The following HEG1 variants were observed in gnomAD, a reference collection of about 807,000 sequenced individuals.
The protein encoded by HEG1 is protein HEG homolog 1.
A neutral mutation model predicts 125.6 loss-of-function variants in HEG1; 56 were observed. The observed-to-expected ratio is 0.45, with a 90% CI of 0.36 to 0.56. The LOEUF (loss-of-function observed/expected upper bound fraction) is 0.56, where lower values mean the gene tolerates loss of function less well. Among genes scored for constraint, HEG1 ranks in the 20% least tolerant of loss-of-function variants. HEG1 has a pLI of 0.00. For synonymous variants in HEG1, 644 were observed against 668.5 expected, an observed-to-expected ratio of 0.96 and a Z score of 0.57; for missense variants, 1,523 against 1,670.0, an observed-to-expected ratio of 0.91 and a Z score of 1.53.
intron 1 of HEG1, among the ~76,000 whole-genome samples, chr3:125,041,596 G>A (rs1363637328): frequency 6.6e-6 from 1 of 152,140 alleles, no homozygotes; most frequent in African/African-American, 2.4e-5. Context: ...CCACTTCTGG[G>A]TCTATATGCA....
intron 1 of HEG1, among the ~76,000 whole-genome samples, chr3:125,041,261 C>T (rs572656005): frequency 1.3e-5 from 2 of 152,336 alleles, no homozygotes; most frequent in East Asian, 3.9e-4. Flanking sequence ...GCCCCCATCC[C>T]TCTCCAAAGG....
chr3:125,021,352 C>T (rs1038035774), intron 3 of HEG1, among the ~76,000 whole-genome samples: 10 of 152,002 alleles, frequency 6.6e-5, no homozygotes, highest in Admixed American at 2.6e-4. Flanking sequence ...TGGAGAACAC[C>T]GAGATCCCTC....
intron 14 of HEG1, 67 bp downstream of exon 14, chr3:124,990,720 A>T: frequency 7.0e-7 from 1 of 1,427,180 alleles, no homozygotes; most frequent in Non-Finnish European, 9.6e-7. Context: ...GAGGAGACTG[A>T]CACCTGTGCA....
chr3:124,992,242 G>A (rs1936847006), intron 12 of HEG1, among the ~76,000 whole-genome samples: 1 of 152,190 alleles, frequency 6.6e-6, no homozygotes, highest in Admixed American at 6.5e-5. Flanking sequence ...CCCTCGGGTG[G>A]TGCAGCTCAT....
chr3:125,019,066 C>T (rs1398023162), intron 5 of HEG1, among the ~76,000 whole-genome samples, 196 bp downstream of exon 5: 1 of 152,034 alleles, frequency 6.6e-6, no homozygotes, highest in Non-Finnish European at 1.5e-5. Context: ...CAGGGTTTCA[C>T]CATGTAGGTC....
At chr3:125,031,340 C>T (rs1384917501) in intron 1 of HEG1, among the ~76,000 whole-genome samples, 1 of 152,168 alleles carries the variant, frequency 6.6e-6, no homozygotes, top group Admixed American at 6.5e-5. Flanking sequence ...AGAACACTGT[C>T]CTTTCCCCAT....
intron 12 of HEG1, among the ~76,000 whole-genome samples, chr3:124,995,220 G>A (rs1391925976): frequency 3.3e-5 from 5 of 152,010 alleles, no homozygotes; most frequent in African/African-American, 1.2e-4. Flanking sequence ...GATCACTTGA[G>A]CCCAGGAGGT....
intron 1 of HEG1, among the ~76,000 whole-genome samples, chr3:125,039,155 C>A (rs553951237): frequency 6.6e-6 from 1 of 152,094 alleles, no homozygotes; most frequent in African/African-American, 2.4e-5. Context: ...TTAACAAGAG[C>A]GTTTTATTGC....
rs1937126456 is a variant in HEG1, at chr3:125,009,896, T to C, written c.3074-72A>G. On this transcript the variant is annotated intron_variant, in intron 7 of 16. Coordinates refer to ENST00000311127, the MANE Select transcript of HEG1 (RefSeq NM_020733.2). ...CAAAACCATAACCCAGTGTAGTAAG[T>C]ACTTACTAAGGGCCAAATGGTGCTA... 3.4e-6 allele frequency: 5 copies of C among 1,489,512 alleles called. 1 individual carries two copies. The highest frequency in any genetic ancestry group is 3.5e-4 in the Middle Eastern group (2 of 5,758). 92.3% of individuals were successfully genotyped at this position (1,489,512 alleles called of 1,614,324 possible).
At chr3:124,991,040 C>G in intron 12 of HEG1, 54 bp from the exon 13 acceptor site, 1 of 1,405,928 alleles carries the variant, frequency 7.1e-7, no homozygotes, top group South Asian at 1.3e-5. Flanking sequence ...TCCCAAACTC[C>G]CAGTTAATTA....
Position 125,001,849 on chromosome 3 carries a change from T to C in HEG1, c.3517+3A>G. The C allele has an allele frequency of 6.2e-7, 1 of 1,611,892 alleles. No homozygotes were observed. The highest frequency in any genetic ancestry group is 2.2e-5 in the East Asian group (1 of 44,844). On this transcript the variant is annotated splice_donor_region_variant and intron_variant, in intron 11 of 16. Coordinates refer to ENST00000311127, the MANE Select transcript of HEG1 (RefSeq NM_020733.2). ...GGATCCTCCCAGAGGGCTGCCCTCT[T>C]ACCTCTAAAGATCCGCCTCTGAGAT... is the stretch of plus-strand genomic sequence containing the variant.
intron 10 of HEG1, 56 bp from the exon 11 acceptor site, chr3:125,002,068 G>A (rs767339986): frequency 4.4e-6 from 7 of 1,599,464 alleles, no homozygotes; most frequent in Non-Finnish European, 6.0e-6. Context: ...TGGGTCCCAA[G>A]GCTTTTGGAA....
At chr3:125,027,068 A>G in intron 3 of HEG1, 137 bp downstream of exon 3, 7 of 725,124 alleles carry the variant, frequency 9.7e-6, no homozygotes, top group Non-Finnish European at 1.5e-5. Flanking sequence ...AGTACCTGGC[A>G]TTAGAGGAAT....
At chr3:124,997,354 G>A (rs1359021046) in intron 12 of HEG1, among the ~76,000 whole-genome samples, 1 of 152,030 alleles carries the variant, frequency 6.6e-6, no homozygotes, top group Non-Finnish European at 1.5e-5. Flanking sequence ...TAAAAGATTA[G>A]CAGACAACAG....
chr3:124,996,441 C>T (rs1298004087), intron 12 of HEG1, among the ~76,000 whole-genome samples: 2 of 152,124 alleles, frequency 1.3e-5, no homozygotes, highest in African/African-American at 4.8e-5. Flanking sequence ...GATAAGATGG[C>T]ATGAGGAAGC....
intron 11 of HEG1, among the ~76,000 whole-genome samples, chr3:124,998,896 G>A (rs970037829): frequency 5.9e-5 from 9 of 152,196 alleles, no homozygotes; most frequent in Non-Finnish European, 1.3e-4. Flanking sequence ...TTCAGAATGG[G>A]AAGAAAGATG....
chr3:125,035,484 G>T (rs1937540842), intron 1 of HEG1, among the ~76,000 whole-genome samples: 1 of 152,110 alleles, frequency 6.6e-6, no homozygotes, highest in South Asian at 2.1e-4. Flanking sequence ...AGTGACAATG[G>T]AAGCCAAAAG....
intron 14 of HEG1, among the ~76,000 whole-genome samples, chr3:124,988,069 C>T (rs572352305): frequency 1.3e-5 from 2 of 151,034 alleles, no homozygotes; most frequent in African/African-American, 4.8e-5. Flanking sequence ...CACATTGAAA[C>T]GTTATAGATT....
At chr3:125,002,083 A>G in intron 10 of HEG1, 71 bp from the exon 11 acceptor site, 2 of 1,577,756 alleles carry the variant, frequency 1.3e-6, no homozygotes, top group Non-Finnish European at 1.7e-6. Flanking sequence ...TTGGAAATGA[A>G]TGTCATCGCC....
Sources: allele counts gnomAD v4.1 joint callset (sites outside exome capture counted in the v4.1 genomes callset), GRCh38; gene constraint gnomAD v4.1.1; transcripts MANE v1.5; gene names NCBI Gene and HGNC (gene_info 2026-07-23, HGNC 2026-07-21).